Variants in CDH12 observed in about 807,000 individuals in gnomAD.
The protein encoded by CDH12 is cadherin 12, also known as cadherin-12.
CDH12 carries 41 observed loss-of-function variants against 74.1 expected under a neutral mutation model. That is an observed-to-expected ratio of 0.55 (90% CI 0.43 to 0.72). The LOEUF is 0.72. CDH12 is among the 30% of genes least tolerant of loss of function. CDH12 has a pLI of 0.00. For missense variants in CDH12, 945 were observed against 977.2 expected, an observed-to-expected ratio of 0.97 and a Z score of 0.44; for synonymous variants, 399 against 355.0, an observed-to-expected ratio of 1.12 and a Z score of -1.39.
intron 3 of CDH12, among the ~76,000 whole-genome samples, chr5:22,315,586 C>T (rs1738598299): frequency 6.6e-6 from 1 of 152,008 alleles, no homozygotes; most frequent in Non-Finnish European, 1.5e-5. Flanking sequence ...AGATGAGATT[C>T]ATCAGAAAGG....
chr5:21,883,511 C>T (rs557660570), intron 6 of CDH12: 11 of 1,612,778 alleles, frequency 6.8e-6, no homozygotes, highest in Middle Eastern at 1.7e-4. Flanking sequence ...GGTTTGGTGA[C>T]AATAGAAAGA....
chr5:21,850,913 C>A (rs1380613845), intron 7 of CDH12, among the ~76,000 whole-genome samples: 1 of 150,988 alleles, frequency 6.6e-6, no homozygotes, highest in Admixed American at 6.6e-5. Context: ...TTTCACAATG[C>A]ATGTAAATTA....
chr5:22,434,693 T>C (rs931757228), intron 2 of CDH12, among the ~76,000 whole-genome samples: 1 of 152,190 alleles, frequency 6.6e-6, no homozygotes, highest in Non-Finnish European at 1.5e-5. Context: ...TATTATGTAA[T>C]CTTTTTCACA....
At chr5:22,785,049 T>A (rs1747556782) in intron 1 of CDH12, among the ~76,000 whole-genome samples, 1 of 152,152 alleles carries the variant, frequency 6.6e-6, no homozygotes, top group South Asian at 2.1e-4. Context: ...GTACGGCCCC[T>A]AACAAATCGA....
intron 1 of CDH12, among the ~76,000 whole-genome samples, chr5:22,825,966 G>A (rs1459253027): frequency 6.6e-6 from 1 of 152,120 alleles, no homozygotes; most frequent in African/African-American, 2.4e-5. Context: ...ATGAATTAGT[G>A]GAATAACCAG....
chr5:22,587,159 A>G (rs1306897057), intron 1 of CDH12, among the ~76,000 whole-genome samples: 5 of 151,950 alleles, frequency 3.3e-5, no homozygotes, highest in Admixed American at 2.0e-4. Flanking sequence ...TTAAGAGGTA[A>G]TTAGATCGTG....
intron 9 of CDH12, among the ~76,000 whole-genome samples, chr5:21,816,624 C>CAAAAAAAAAAAA (rs542222336): frequency 0.052 from 940 of 17,978 alleles, 255 homozygotes; most frequent in Middle Eastern, 0.1. Context: ...AACTCCATCT[C>CAAAAAAAAAAAA]AAAAAAAAAA....
chr5:22,797,778 G>T (rs1442410004), intron 1 of CDH12, among the ~76,000 whole-genome samples: 2 of 151,796 alleles, frequency 1.3e-5, no homozygotes, highest in Non-Finnish European at 2.9e-5. Flanking sequence ...TTTCTATTAA[G>T]AAATAAAAAT....
At chr5:22,500,003 T>A (rs944985227) in intron 2 of CDH12, among the ~76,000 whole-genome samples, 2 of 152,194 alleles carry the variant, frequency 1.3e-5, no homozygotes, top group Non-Finnish European at 2.9e-5. Context: ...CTTAACAGGC[T>A]CATGATCGTC....
intron 1 of CDH12, among the ~76,000 whole-genome samples, chr5:22,845,700 A>C (rs1737269668): frequency 6.6e-6 from 1 of 152,154 alleles, no homozygotes; most frequent in South Asian, 2.1e-4. Flanking sequence ...ATTTACATGA[A>C]ACAAAGGGGG....
At chr5:21,798,536 T>A (rs1391031724) in intron 10 of CDH12, among the ~76,000 whole-genome samples, 1 of 152,124 alleles carries the variant, frequency 6.6e-6, no homozygotes, top group African/African-American at 2.4e-5. Flanking sequence ...TGGATGTTTA[T>A]GTTTCCCCAA....
chr5:22,349,361 T>C (rs1212457150), intron 3 of CDH12, among the ~76,000 whole-genome samples: 1 of 152,180 alleles, frequency 6.6e-6, no homozygotes, highest in Non-Finnish European at 1.5e-5. Flanking sequence ...ACAAAGCAGA[T>C]TATACCTAAA....
intron 3 of CDH12, among the ~76,000 whole-genome samples, chr5:22,304,542 C>T (rs768418555): frequency 6.6e-6 from 1 of 152,010 alleles, no homozygotes; most frequent in Non-Finnish European, 1.5e-5. Flanking sequence ...CAGCAAAGTC[C>T]GATGATGGCA....
intron 4 of CDH12, among the ~76,000 whole-genome samples, chr5:22,164,502 G>A (rs1051168023): frequency 1.1e-4 from 17 of 152,192 alleles, no homozygotes; most frequent in African/African-American, 4.1e-4. Context: ...AACAGCAGTG[G>A]TGGACAGCGA....
chr5:22,772,760 G>T lies in CDH12; in HGVS notation c.-523+80298C>A, dbSNP rs140314796. Among the ~76,000 whole-genome samples, 31 of 152,182 alleles carry T rather than the reference G, an allele frequency of 2.0e-4. No homozygotes were observed. The East Asian group carries it at 5.8e-3, about 28-fold the overall frequency. On this transcript the variant is annotated intron_variant, in intron 1 of 14. Coordinates refer to ENST00000382254, the MANE Select transcript of CDH12 (RefSeq NM_004061.5). ...ACAGTCAGTGTATTTGTATAAGTTTGTTTGTCTCCATAGTTCACAGCACAA... is the reference window on the plus strand; with the variant it reads ...ACAGTCAGTGTATTTGTATAAGTTTTTTTGTCTCCATAGTTCACAGCACAA...
intron 1 of CDH12, among the ~76,000 whole-genome samples, chr5:22,598,341 G>A (rs1736697394): frequency 6.6e-6 from 1 of 152,112 alleles, no homozygotes; most frequent in Non-Finnish European, 1.5e-5. Flanking sequence ...TGGATCATGG[G>A]GGCAGTTTCC....
chr5:22,523,985 T>TG (rs202069700), intron 1 of CDH12, among the ~76,000 whole-genome samples: 1 of 148,118 alleles, frequency 6.8e-6, no homozygotes, highest in Non-Finnish European at 1.5e-5. Context: ...ATTATTATTT[T>TG]TTTTTTTTTT....
chr5:22,008,013 G>A (rs970412157), intron 5 of CDH12, among the ~76,000 whole-genome samples: 3 of 152,106 alleles, frequency 2.0e-5, no homozygotes, highest in Non-Finnish European at 2.9e-5. Flanking sequence ...GAAAATAGGA[G>A]CTCATATGGA....
At chr5:21,917,345 G>A (rs553569014) in intron 6 of CDH12, among the ~76,000 whole-genome samples, 294 of 152,270 alleles carry the variant, frequency 1.9e-3, no homozygotes, top group African/African-American at 6.5e-3. Flanking sequence ...GGTGTGGACG[G>A]GGCATCTTGA....
Sources: gnomAD v4.1 joint callset for allele counts (sites outside exome capture counted in the v4.1 genomes callset) on GRCh38, gnomAD v4.1.1 for gene constraint, MANE v1.5 for transcripts, NCBI Gene and HGNC (gene_info 2026-07-23, HGNC 2026-07-21) for gene names.